The following ACSS3 variants were observed in gnomAD, a reference collection of about 807,000 sequenced individuals.
ACSS3 encodes acyl-CoA synthetase short chain family member 3.
In ACSS3, 64 loss-of-function variants were observed where a neutral mutation model predicts 84.2. That is an observed-to-expected ratio of 0.76 (90% CI 0.62 to 0.94). The LOEUF (loss-of-function observed/expected upper bound fraction) is 0.94. Ranked by LOEUF, ACSS3 falls within the 40% of genes least tolerant of loss-of-function variation. The pLI, the probability that ACSS3 is intolerant of heterozygous loss-of-function variation, is 0.00. For missense variants in ACSS3, 815 were observed against 867.6 expected (o/e 0.94, Z 0.76); for synonymous variants, 317 against 310.1 (o/e 1.02, Z -0.23).
chr12:81,114,668 T>C (rs1224041228), intron 2 of ACSS3, among the ~76,000 whole-genome samples: 1 of 152,142 alleles, frequency 6.6e-6, no homozygotes, highest in Non-Finnish European at 1.5e-5. Context: ...GTAAGTTAAA[T>C]TACCTTTTCC....
chr12:81,098,809 T>C (rs1882275914), intron 1 of ACSS3, among the ~76,000 whole-genome samples: 1 of 152,220 alleles, frequency 6.6e-6, no homozygotes, highest in Non-Finnish European at 1.5e-5. Context: ...CATCAGCTCC[T>C]TACCACATTC....
In ACSS3 at chr12:81,160,756, T is replaced by C. The variant is rs551856527; in HGVS notation, c.1098+8660T>C. 3.3e-5 allele frequency among the ~76,000 whole-genome samples: 5 copies of C among 152,340 alleles called. No individual in the cohort carries two copies. The East Asian group carries it at 9.6e-4, about 29-fold the overall frequency. ...ATGCTGATTCTTCAAATATATTTAC[T>C]GAAGAAAACTTTCACTTTAAATTAG... On this transcript the variant is annotated intron_variant, in intron 7 of 15. Transcript: ENST00000548058.
intron 5 of ACSS3, 98 bp from the exon 6 acceptor site, chr12:81,151,746 A>G (rs1319320735): frequency 3.9e-6 from 4 of 1,013,170 alleles, no homozygotes; most frequent in Admixed American, 5.3e-5. Flanking sequence ...AATATATAAA[A>G]TACTTTTGAC....
At chr12:81,241,347 AC>A (rs1258519283) in intron 13 of ACSS3, among the ~76,000 whole-genome samples, 7 of 152,170 alleles carry the variant, frequency 4.6e-5, no homozygotes, top group Admixed American at 1.3e-4. Flanking sequence ...TTGGGTATAT[AC>A]CCAGTAATGG....
intron 1 of ACSS3, among the ~76,000 whole-genome samples, chr12:81,080,661 TGGA>T (rs1880912739): frequency 6.6e-6 from 1 of 152,206 alleles, no homozygotes; most frequent in African/African-American, 2.4e-5. Flanking sequence ...ATGACTGCAT[TGGA>T]TACCTAAATG....
At chr12:81,243,959 T>C (rs753780551) in intron 13 of ACSS3, among the ~76,000 whole-genome samples, 2 of 152,212 alleles carry the variant, frequency 1.3e-5, no homozygotes, top group African/African-American at 2.4e-5. Flanking sequence ...TTATACAAAT[T>C]TCTGACGTAT....
At chr12:81,195,486 C>A (rs2031783760) in intron 8 of ACSS3, among the ~76,000 whole-genome samples, 1 of 151,944 alleles carries the variant, frequency 6.6e-6, no homozygotes, top group African/African-American at 2.4e-5. Context: ...CAGATGAGGT[C>A]ATTTTTGATC....
At chr12:81,147,070 G>T (rs1290126414) in intron 5 of ACSS3, among the ~76,000 whole-genome samples, 1 of 152,028 alleles carries the variant, frequency 6.6e-6, no homozygotes, top group Non-Finnish European at 1.5e-5. Flanking sequence ...GTACGCTCTT[G>T]CAGTTAAAGT....
chr12:81,245,173 A>G (rs2033942013), intron 13 of ACSS3, among the ~76,000 whole-genome samples: 1 of 152,178 alleles, frequency 6.6e-6, no homozygotes, highest in African/African-American at 2.4e-5. Context: ...CTCTTAAAAT[A>G]GGATGAGGGC....
intron 13 of ACSS3, among the ~76,000 whole-genome samples, chr12:81,244,099 C>A (rs1324768954): frequency 6.6e-6 from 1 of 151,972 alleles, no homozygotes; most frequent in Non-Finnish European, 1.5e-5. Flanking sequence ...GGATAATTTT[C>A]CACAATATAG....
intron 8 of ACSS3, among the ~76,000 whole-genome samples, chr12:81,180,890 C>T (rs2030876684): frequency 6.6e-6 from 1 of 152,118 alleles, no homozygotes; most frequent in South Asian, 2.1e-4. Flanking sequence ...AAGGAGAATG[C>T]CAACATCAAT....
intron 8 of ACSS3, among the ~76,000 whole-genome samples, chr12:81,186,869 AG>A (rs2031292547): frequency 6.6e-6 from 1 of 151,904 alleles, no homozygotes; most frequent in Non-Finnish European, 1.5e-5. Flanking sequence ...ATATACTCAA[AG>A]GAAATGAAGT....
chr12:81,233,585 G>C, intron 13 of ACSS3, 114 bp downstream of exon 13: 1 of 1,356,008 alleles, frequency 7.4e-7, no homozygotes, highest in Non-Finnish European at 1.0e-6. Flanking sequence ...ATTTGCAGCA[G>C]AGGCTAGGTT....
chr12:81,189,208 T>C (rs1464471320), intron 8 of ACSS3, among the ~76,000 whole-genome samples: 1 of 152,146 alleles, frequency 6.6e-6, no homozygotes, highest in Non-Finnish European at 1.5e-5. Flanking sequence ...GTCTTTTTGG[T>C]GTCCATACAC....
At chr12:81,098,947 G>A (rs1882284434) in intron 1 of ACSS3, among the ~76,000 whole-genome samples, 1 of 152,140 alleles carries the variant, frequency 6.6e-6, no homozygotes, top group African/African-American at 2.4e-5. Flanking sequence ...TTTTGAGAGT[G>A]GAGAACATGT....
chr12:81,172,058 G>C (rs7487391), intron 7 of ACSS3, among the ~76,000 whole-genome samples: 27,260 of 152,014 alleles, frequency 0.18, 2,782 homozygotes, highest in East Asian at 0.4. Context: ...CCTGAGGTCA[G>C]AAGTTCAAGA....
intron 1 of ACSS3, among the ~76,000 whole-genome samples, chr12:81,100,765 T>C (rs538051132): frequency 6.6e-6 from 1 of 152,058 alleles, no homozygotes; most frequent in African/African-American, 2.4e-5. Context: ...AGGCTGACAG[T>C]ACAGTCAACA....
chr12:81,085,138 C>A (rs1463945320), intron 1 of ACSS3, among the ~76,000 whole-genome samples: 1 of 152,188 alleles, frequency 6.6e-6, no homozygotes, highest in Non-Finnish European at 1.5e-5. Flanking sequence ...TTGAAGCCTA[C>A]TGCTCAACAG....
chr12:81,223,858 G>T (rs2033188254), intron 11 of ACSS3, among the ~76,000 whole-genome samples: 1 of 151,930 alleles, frequency 6.6e-6, no homozygotes, highest in East Asian at 1.9e-4. Flanking sequence ...GTGAAAAATA[G>T]ACCATCTTTT....
Sources: allele counts gnomAD v4.1 joint callset (sites outside exome capture counted in the v4.1 genomes callset), GRCh38; gene constraint gnomAD v4.1.1; transcripts MANE v1.5; gene names NCBI Gene and HGNC (gene_info 2026-07-23, HGNC 2026-07-21).